ZYG11A: variants seen among roughly 807,000 people sequenced by gnomAD.
ZYG11A encodes the protein protein zyg-11 homolog A.
In ZYG11A, 62 loss-of-function variants were observed where a neutral mutation model predicts 77.2. The ratio of observed to expected loss-of-function variants is 0.80; its 90% CI spans 0.65 to 0.99. The LOEUF (loss-of-function observed/expected upper bound fraction) is 0.99, where lower values mean the gene tolerates loss of function less well. ZYG11A is among the 50% of genes least tolerant of loss of function. The pLI is 0.00. For synonymous variants in ZYG11A, 315 were observed against 324.6 expected (o/e 0.97, Z 0.32); for missense variants, 828 against 896.8 (o/e 0.92, Z 0.98).
Position 52,864,236 on chromosome 1 carries a change from C to T in ZYG11A, c.1326+79C>T, listed in dbSNP as rs147862590. 6.0e-3 allele frequency: 8,326 copies of T among 1,381,598 alleles called. 105 individuals carry two copies. In the Middle Eastern group the frequency reaches 0.093, roughly 15 times the overall value. 85.6% of individuals were successfully genotyped at this position (1,381,598 alleles called of 1,614,324 possible). On this transcript the variant is annotated intron_variant, in intron 5 of 13. Coordinates refer to ENST00000371528, the MANE Select transcript of ZYG11A (RefSeq NM_001004339.3). Reference sequence around the variant, plus strand: ...AGCTCTGTTGCCCAGGCCAGAGTGCCGTGGCACAATTTGTTTTTGTTTTTT... The same window carrying T: ...AGCTCTGTTGCCCAGGCCAGAGTGCTGTGGCACAATTTGTTTTTGTTTTTT...
intron 12 of ZYG11A, among the ~76,000 whole-genome samples, 187 bp from the exon 13 acceptor site, chr1:52,886,769 A>G (rs1377570921): frequency 3.1e-5 from 4 of 130,790 alleles, no homozygotes; most frequent in African/African-American, 8.7e-5. Context: ...CTGGTCCCGA[A>G]TTCCTAAGCT....
intron 8 of ZYG11A, among the ~76,000 whole-genome samples, chr1:52,868,466 G>A (rs983651837): frequency 1.1e-4 from 16 of 152,200 alleles, no homozygotes; most frequent in African/African-American, 3.9e-4. Context: ...TTATGATTGT[G>A]TTAACATCGT....
intron 1 of ZYG11A, among the ~76,000 whole-genome samples, chr1:52,847,123 T>A (rs1240525131): frequency 6.6e-6 from 1 of 151,484 alleles, no homozygotes; most frequent in Non-Finnish European, 1.5e-5. Flanking sequence ...TGCGGTGGCG[T>A]GATCTCGATC....
chr1:52,875,767 T>G (rs760101177), intron 8 of ZYG11A, among the ~76,000 whole-genome samples: 9 of 150,758 alleles, frequency 6.0e-5, no homozygotes, highest in Non-Finnish European at 1.0e-4. Flanking sequence ...TTGCTTTAGT[T>G]TGGAGCAGAA....
At chr1:52,843,894 GC>G (rs1645509000) in intron 1 of ZYG11A, among the ~76,000 whole-genome samples, 3 of 151,984 alleles carry the variant, frequency 2.0e-5, no homozygotes. Flanking sequence ...CACCATGTTG[GC>G]CAGGATGGTT....
At chr1:52,851,266 G>C (rs959807189) in intron 1 of ZYG11A, among the ~76,000 whole-genome samples, 9 of 151,986 alleles carry the variant, frequency 5.9e-5, no homozygotes, top group African/African-American at 1.9e-4. Context: ...ATCTGGTCTT[G>C]AACTCCTCAG....
At chr1:52,872,717 T>G (rs1571866807) in intron 8 of ZYG11A, among the ~76,000 whole-genome samples, 1 of 150,086 alleles carries the variant, frequency 6.7e-6, no homozygotes. Flanking sequence ...CCCGTCTCTA[T>G]TAAAAATACA....
chr1:52,875,192 C>T (rs1646239977), intron 8 of ZYG11A, among the ~76,000 whole-genome samples: 1 of 152,108 alleles, frequency 6.6e-6, no homozygotes, highest in Admixed American at 6.5e-5. Flanking sequence ...GACGTGAGGA[C>T]AGAGTTGACC....
At chr1:52,885,997 A>G (rs1397296966) in intron 12 of ZYG11A, 103 bp downstream of exon 12, 7 of 840,542 alleles carry the variant, frequency 8.3e-6, no homozygotes, top group African/African-American at 1.8e-5. Flanking sequence ...CAGTGGCACA[A>G]TCTTGGCTCA....
intron 1 of ZYG11A, among the ~76,000 whole-genome samples, chr1:52,851,649 C>T (rs1182916286): frequency 6.6e-6 from 1 of 152,098 alleles, no homozygotes; most frequent in Non-Finnish European, 1.5e-5. Context: ...ATCAGTCTGC[C>T]TCTGCCTCCC....
chr1:52,862,237 T>C (rs1645941499), intron 4 of ZYG11A, among the ~76,000 whole-genome samples: 1 of 150,888 alleles, frequency 6.6e-6, no homozygotes, highest in South Asian at 2.1e-4. Context: ...TAGGTGGGCA[T>C]GGTTGTACAT....
At position 52,893,205 on chromosome 1, in the gene ZYG11A, G is replaced by A; in HGVS notation, c.*248G>A. 1 of 433,128 alleles carries A rather than the reference G, an allele frequency of 2.3e-6. No individual in the cohort carries two copies. Among genetic ancestry groups the A allele is most frequent in the Non-Finnish European group, 4.2e-6 (1 of 240,736 alleles). 26.8% of individuals were successfully genotyped at this position (433,128 alleles called of 1,614,324 possible). ...AAACCGTGGACTCTGGGAAGGCCTG[G>A]GAGCTTGTGTTGGAACAGCTATGCA... is the stretch of plus-strand genomic sequence containing the variant. On this transcript the variant is annotated 3_prime_UTR_variant, in exon 14 of 14. Coordinates refer to ENST00000371528, the MANE Select transcript of ZYG11A (RefSeq NM_001004339.3).
chr1:52,847,111 AGTGCGGTG>A (rs1445661011), intron 1 of ZYG11A, among the ~76,000 whole-genome samples: 1 of 151,744 alleles, frequency 6.6e-6, no homozygotes, highest in Non-Finnish European at 1.5e-5. Flanking sequence ...CCCAGGCTGG[AGTGCGGTG>A]GCGTGATCTC....
In ZYG11A at chr1:52,894,554, G is replaced by C. The variant is rs993308648; in HGVS notation, c.*1597G>C. ...TGTTTAAGTTTTTCAGAAAATAAAAGTAAATTTCTGTTAGCACATTTTAGG... is the reference window on the plus strand; with the variant it reads ...TGTTTAAGTTTTTCAGAAAATAAAACTAAATTTCTGTTAGCACATTTTAGG... On this transcript the variant is annotated 3_prime_UTR_variant, in exon 14 of 14. Transcript: ENST00000371528. The C allele has an allele frequency of 2.0e-5, 3 of 152,138 alleles. No individual in the cohort carries two copies. Among genetic ancestry groups the C allele is most frequent in the African/African-American group, 7.2e-5 (3 of 41,436 alleles). 9.4% of individuals were successfully genotyped at this position (152,138 alleles called of 1,614,324 possible).
chr1:52,881,218 G>C (rs1044786164), intron 10 of ZYG11A: 6 of 273,220 alleles, frequency 2.2e-5, no homozygotes, highest in South Asian at 1.2e-4. Flanking sequence ...AGATAAGGTA[G>C]ATAAAAAGAC....
chr1:52,863,071 T>C (rs1356118185), intron 4 of ZYG11A, among the ~76,000 whole-genome samples: 3 of 152,178 alleles, frequency 2.0e-5, no homozygotes, highest in Non-Finnish European at 4.4e-5. Context: ...TTTCTTTTGG[T>C]TTCTGGATTT....
intron 5 of ZYG11A, among the ~76,000 whole-genome samples, chr1:52,865,781 C>T (rs1445080292): frequency 2.0e-5 from 3 of 151,858 alleles, no homozygotes; most frequent in Non-Finnish European, 4.4e-5. Flanking sequence ...TGTAATTTTC[C>T]GAGGATAGGG....
At position 52,860,852 on chromosome 1, in the gene ZYG11A, C is replaced by A. The variant is rs570351463; in HGVS notation, c.1130C>A (p.Thr377Asn). 2 of 1,551,250 alleles carry A rather than the reference C, an allele frequency of 1.3e-6. No individual in the cohort carries two copies. The highest frequency in any genetic ancestry group is 1.7e-6 in the Non-Finnish European group (2 of 1,146,922). Residue 377 changes from threonine to asparagine, a missense_variant, in exon 4 of 14, where the codon ACC (threonine) becomes AAC (asparagine). Coordinates refer to ENST00000371528, the MANE Select transcript of ZYG11A (RefSeq NM_001004339.3). ...LFTETFSMEVTMPAILKLVAI... is the reference protein window; with the variant it reads ...LFTETFSMEVNMPAILKLVAI... ...ACAGAGACATTTTCAATGGAGGTAA[C>A]CATGCCTGCTATTTTAAAGGTAATT... is the stretch of plus-strand genomic sequence containing the variant.
rs77959014 is a variant in ZYG11A at position 52,874,265 on chromosome 1, G to A, written c.1543-3417G>A. 4.8e-3 allele frequency among the ~76,000 whole-genome samples: 729 copies of A among 151,862 alleles called. 12 individuals carry two copies. Among genetic ancestry groups the A allele is most frequent in the African/African-American group, 0.017 (691 of 41,434 alleles). On this transcript the variant is annotated intron_variant, in intron 8 of 13. Coordinates refer to ENST00000371528, the MANE Select transcript of ZYG11A (RefSeq NM_001004339.3). ...TATATATATATACATATTTTTTAAG[G>A]TAGAGTCTTTCTCTGTTGCCCAGGC...
Sources: gnomAD v4.1 joint callset for allele counts (sites outside exome capture counted in the v4.1 genomes callset) on GRCh38, gnomAD v4.1.1 for gene constraint, MANE v1.5 for transcripts, NCBI Gene and HGNC (gene_info 2026-07-23, HGNC 2026-07-21) for gene names.